ARK2C: variants seen among roughly 807,000 people sequenced by gnomAD.
ARK2C encodes the protein E3 ubiquitin-protein ligase ARK2C.
chr18:46,373,039 C>T, the ARK2C span, among the ~76,000 whole-genome samples: 15 of 152,304 alleles, frequency 9.8e-5, no homozygotes, highest in East Asian at 9.7e-4. Context: ...TGTGTGTGTA[C>T]GTGTGCATGT....
chr18:46,403,888 C>T, the ARK2C span, among the ~76,000 whole-genome samples: 1 of 152,058 alleles, frequency 6.6e-6, no homozygotes, highest in Non-Finnish European at 1.5e-5. Context: ...AAAAACAAAA[C>T]AAAACAAAAC....
chr18:46,402,913 C>T, the ARK2C span, among the ~76,000 whole-genome samples: 1 of 152,218 alleles, frequency 6.6e-6, no homozygotes, highest in Non-Finnish European at 1.5e-5. Context: ...TCTCAGGACA[C>T]TAGACAGTGC....
the ARK2C span, among the ~76,000 whole-genome samples, chr18:46,358,575 G>A: frequency 6.6e-6 from 1 of 152,300 alleles, no homozygotes; most frequent in East Asian, 1.9e-4. Flanking sequence ...CTCAACTCCT[G>A]CAGCTCTGGC....
chr18:46,359,560 G>GT, the ARK2C span, among the ~76,000 whole-genome samples: 1 of 152,206 alleles, frequency 6.6e-6, no homozygotes, highest in Non-Finnish European at 1.5e-5. Context: ...CCAAGAGAAT[G>GT]TAAGAACTGA....
the ARK2C span, among the ~76,000 whole-genome samples, chr18:46,455,728 C>T: frequency 5.9e-5 from 9 of 152,152 alleles, no homozygotes; most frequent in African/African-American, 2.2e-4. Context: ...CCCAGCTACT[C>T]GGAGGCTGAG....
At chr18:46,422,314 A>C in the ARK2C span, among the ~76,000 whole-genome samples, 2 of 152,110 alleles carry the variant, frequency 1.3e-5, no homozygotes, top group African/African-American at 4.8e-5. Context: ...CCTCTGAATG[A>C]CTCACAAAGG....
the ARK2C span, among the ~76,000 whole-genome samples, chr18:46,455,050 G>A: frequency 7.9e-5 from 12 of 152,150 alleles, no homozygotes; most frequent in Non-Finnish European, 1.8e-4. Flanking sequence ...CAAATAATCA[G>A]CATAAAATGA....
At chr18:46,456,142 G>A in the ARK2C span, 1 of 995,830 alleles carries the variant, frequency 1.0e-6, no homozygotes, top group Non-Finnish European at 1.6e-6. Flanking sequence ...ACCAATCACT[G>A]CACCGTGTGT....
chr18:46,440,686 T>C, the ARK2C span, among the ~76,000 whole-genome samples: 1 of 152,118 alleles, frequency 6.6e-6, no homozygotes, highest in Non-Finnish European at 1.5e-5. Flanking sequence ...ATCTAGCCAG[T>C]ATTAAAATTT....
At chr18:46,455,851 A>T in the ARK2C span, 1 of 624,872 alleles carries the variant, frequency 1.6e-6, no homozygotes, top group Non-Finnish European at 2.9e-6. Flanking sequence ...AAAACAAAAC[A>T]AACAAAAAAA....
At chr18:46,359,827 G>A in the ARK2C span, among the ~76,000 whole-genome samples, 1 of 152,172 alleles carries the variant, frequency 6.6e-6, no homozygotes, top group South Asian at 2.1e-4. Context: ...CTGCATTCCA[G>A]CCAGAGGATG....
chr18:46,435,721 G>T, the ARK2C span, among the ~76,000 whole-genome samples: 5 of 152,192 alleles, frequency 3.3e-5, no homozygotes, highest in African/African-American at 7.2e-5. Flanking sequence ...AGTGGTCCCT[G>T]GGGGGAGAGC....
chr18:46,447,614 C>T, the ARK2C span: 38 of 1,613,978 alleles, frequency 2.4e-5, no homozygotes, highest in African/African-American at 5.3e-5. Context: ...AGGTGCGGCC[C>T]ATCCCTCAGC....
chr18:46,357,846 G>A, the ARK2C span, among the ~76,000 whole-genome samples: 1 of 152,202 alleles, frequency 6.6e-6, no homozygotes, highest in Non-Finnish European at 1.5e-5. Flanking sequence ...GCTGTCCGCG[G>A]GGCCAGCCGT....
the ARK2C span, among the ~76,000 whole-genome samples, chr18:46,340,718 A>T: frequency 6.6e-6 from 1 of 152,128 alleles, no homozygotes; most frequent in Non-Finnish European, 1.5e-5. Context: ...CTGCCATGAA[A>T]CCTACCTGAT....
At chr18:46,453,055 A>G in the ARK2C span, among the ~76,000 whole-genome samples, 1 of 152,196 alleles carries the variant, frequency 6.6e-6, no homozygotes, top group Admixed American at 6.5e-5. Context: ...TGATACCTTG[A>G]TGCTTTTCCC....
chr18:46,376,690 G>A, the ARK2C span, among the ~76,000 whole-genome samples: 1 of 7,042 alleles, frequency 1.4e-4, no homozygotes, highest in African/African-American at 4.2e-4. Context: ...TTTTTTTTTT[G>A]AGATGGAGTC....
chr18:46,367,832 C>T, the ARK2C span, among the ~76,000 whole-genome samples: 8 of 152,176 alleles, frequency 5.3e-5, no homozygotes, highest in African/African-American at 7.2e-5. Context: ...TGAGACAATT[C>T]GGATTTCTCG....
chr18:46,339,723 G>A, the ARK2C span, among the ~76,000 whole-genome samples: 1 of 152,208 alleles, frequency 6.6e-6, no homozygotes, highest in Non-Finnish European at 1.5e-5. Context: ...GACCCACTAA[G>A]TTAATGAGTT....
Sources: gnomAD v4.1 joint callset for allele counts (sites outside exome capture counted in the v4.1 genomes callset) on GRCh38, gnomAD v4.1.1 for gene constraint, MANE v1.5 for transcripts, NCBI Gene and HGNC (gene_info 2026-07-23, HGNC 2026-07-21) for gene names.